The following ZFHX3 variants were observed in gnomAD, a reference collection of about 807,000 sequenced individuals.
The protein encoded by ZFHX3 is zinc finger homeobox protein 3.
In ZFHX3, 42 loss-of-function variants were observed where a neutral mutation model predicts 279.1. The observed-to-expected ratio is 0.15, with a 90% confidence interval of 0.12 to 0.19. ZFHX3 has a LOEUF of 0.19. Ranked by LOEUF, ZFHX3 falls within the 10% of genes least tolerant of loss-of-function variation. The pLI, the probability that ZFHX3 is intolerant of heterozygous loss-of-function variation, is 1.00. For missense variants in ZFHX3, 4,981 were observed against 4,754.0 expected (o/e 1.05, Z -1.40); for synonymous variants, 2,293 against 1,957.8 (o/e 1.17, Z -4.52).
At chr16:73,628,234 A>G (rs2142144319) in intron 2 of ZFHX3, among the ~76,000 whole-genome samples, 1 of 152,318 alleles carries the variant, frequency 6.6e-6, no homozygotes, top group East Asian at 1.9e-4. Flanking sequence ...TAATCTTTTA[A>G]AAATTACTAG....
chr16:73,260,775 C>T (rs973362046), intron 4 of ZFHX3, among the ~76,000 whole-genome samples: 7 of 148,566 alleles, frequency 4.7e-5, no homozygotes, highest in East Asian at 4.1e-4. Flanking sequence ...CTCCGCCTCC[C>T]GGGTTTAAAC....
chr16:72,814,562 G>A (rs2036550526), intron 5 of ZFHX3, among the ~76,000 whole-genome samples: 1 of 151,560 alleles, frequency 6.6e-6, no homozygotes, highest in Non-Finnish European at 1.5e-5. Context: ...TGAGAATTCT[G>A]GTTTCAGAAG....
chr16:72,984,114 C>A (rs762833305), intron 1 of ZFHX3, among the ~76,000 whole-genome samples: 1 of 152,212 alleles, frequency 6.6e-6, no homozygotes, highest in Non-Finnish European at 1.5e-5. Context: ...CAGCCCTTAT[C>A]TGAATAACCT....
rs76839530 is a variant in ZFHX3 at position 72,902,898 on chromosome 16, C to G, written c.3217-12936G>C. On this transcript the variant is annotated intron_variant, in intron 3 of 9. Coordinates refer to ENST00000268489, the MANE Select transcript of ZFHX3 (RefSeq NM_006885.4). ...AGGCCAGCCGGGGGCTAAAGTTGGA[C>G]AGGAACAAAAACCGCCACTCTGAGG... is the stretch of plus-strand genomic sequence containing the variant. Among the ~76,000 whole-genome samples the G allele has an allele frequency of 3.5e-3, 530 of 152,234 alleles. 2 individuals carry two copies. The highest frequency in any genetic ancestry group is 0.012 in the African/African-American group (516 of 41,548).
intron 4 of ZFHX3, among the ~76,000 whole-genome samples, chr16:73,309,873 C>T (rs1049246707): frequency 1.6e-4 from 23 of 148,086 alleles, no homozygotes; most frequent in Non-Finnish European, 5.9e-5. Flanking sequence ...CTTTAGGAGG[C>T]ATAAACATGC....
At chr16:73,753,031 T>A (rs2053775128) in intron 1 of ZFHX3, among the ~76,000 whole-genome samples, 2 of 152,162 alleles carry the variant, frequency 1.3e-5, no homozygotes, top group South Asian at 2.1e-4. Flanking sequence ...GACCTGTGCA[T>A]TTTTGTGTGT....
chr16:73,394,377 A>G (rs2017084977), intron 3 of ZFHX3, among the ~76,000 whole-genome samples: 2 of 151,634 alleles, frequency 1.3e-5, no homozygotes, highest in Non-Finnish European at 2.9e-5. Context: ...GCCCACTGCA[A>G]CCTCCACCTC....
intron 2 of ZFHX3, among the ~76,000 whole-genome samples, chr16:73,616,081 A>G (rs2052298399): frequency 6.6e-6 from 1 of 152,026 alleles, no homozygotes; most frequent in African/African-American, 2.4e-5. Flanking sequence ...GTTTTTGATA[A>G]GACAGTCCCA....
intron 5 of ZFHX3, among the ~76,000 whole-genome samples, chr16:73,166,846 G>A (rs1351498378): frequency 1.3e-5 from 2 of 152,154 alleles, no homozygotes; most frequent in Non-Finnish European, 2.9e-5. Context: ...GTCACCTGAG[G>A]ACCCTCCAGA....
chr16:72,789,120 A>T, intron 9 of ZFHX3: 1 of 379,990 alleles, frequency 2.6e-6, no homozygotes, highest in Non-Finnish European at 4.7e-6. Flanking sequence ...GAGCTGGACA[A>T]CCTTGTATTC....
chr16:73,529,093 C>T (rs2019747034), intron 2 of ZFHX3, among the ~76,000 whole-genome samples: 1 of 152,138 alleles, frequency 6.6e-6, no homozygotes, highest in Non-Finnish European at 1.5e-5. Flanking sequence ...CGTGATGAGG[C>T]TAGAGGTGGG....
chr16:72,948,099 G>C (rs1220062924), intron 3 of ZFHX3, among the ~76,000 whole-genome samples: 1 of 152,202 alleles, frequency 6.6e-6, no homozygotes, highest in Non-Finnish European at 1.5e-5. Context: ...AATCCCAGCG[G>C]TGTCATCCAG....
At chr16:73,873,345 T>G (rs1417610839) in intron 1 of ZFHX3, among the ~76,000 whole-genome samples, 1 of 151,686 alleles carries the variant, frequency 6.6e-6, no homozygotes, top group Non-Finnish European at 1.5e-5. Flanking sequence ...ATTAGCCAAG[T>G]GTGCAGCAGC....
chr16:73,260,551 C>T (rs2013790263), intron 4 of ZFHX3, among the ~76,000 whole-genome samples: 1 of 152,040 alleles, frequency 6.6e-6, no homozygotes, highest in Non-Finnish European at 1.5e-5. Context: ...AGTAAGATGT[C>T]CCAGGTTCAT....
At chr16:72,890,206 T>C (rs2038736764) in intron 3 of ZFHX3, among the ~76,000 whole-genome samples, 1 of 152,220 alleles carries the variant, frequency 6.6e-6, no homozygotes, top group South Asian at 2.1e-4. Context: ...GATTAGAATA[T>C]GGGGGTGGTT....
intron 2 of ZFHX3, among the ~76,000 whole-genome samples, chr16:73,590,341 A>G (rs540606014): frequency 1.6e-4 from 25 of 152,354 alleles, no homozygotes; most frequent in Non-Finnish European, 2.9e-4. Flanking sequence ...CTCATTGGAA[A>G]AATAATTGAT....
At position 72,796,091 on chromosome 16, in the gene ZFHX3, G is replaced by T. The variant is rs759303423; in HGVS notation, c.6591C>A (p.Leu2197=). Residue 2197 remains leucine (L), a synonymous_variant, in exon 9 of 10, where the codon CTC becomes CTA. Transcript: ENST00000268489. The stretch of plus-strand genomic sequence containing the variant: ...CCTTGTTACGCTGCCTCTCTTTGAA[G>T]AGAGTGTTCCTGAACCAGTGCTTGA... ...KVIKHWFRNT[L]FKERQRNKDS... The T allele has an allele frequency of 1.9e-6, 3 of 1,614,218 alleles. No individual in the cohort carries two copies. The highest frequency in any genetic ancestry group is 2.5e-6 in the Non-Finnish European group (3 of 1,180,046).
At chr16:73,443,465 T>C (rs1284963478) in intron 3 of ZFHX3, among the ~76,000 whole-genome samples, 2 of 152,212 alleles carry the variant, frequency 1.3e-5, no homozygotes, top group Non-Finnish European at 2.9e-5. Context: ...GAAAGTCTCC[T>C]CCAATGGACA....
intron 4 of ZFHX3, among the ~76,000 whole-genome samples, chr16:72,881,186 T>G (rs4788671): frequency 6.6e-6 from 1 of 152,088 alleles, no homozygotes; most frequent in Non-Finnish European, 1.5e-5. Context: ...AAGTTAACCA[T>G]GAGCCCCATG....
Sources: allele counts gnomAD v4.1 joint callset (sites outside exome capture counted in the v4.1 genomes callset), GRCh38; gene constraint gnomAD v4.1.1; transcripts MANE v1.5; gene names NCBI Gene and HGNC (gene_info 2026-07-23, HGNC 2026-07-21).